The following UGT1A6 variants were observed in gnomAD, a reference collection of about 807,000 sequenced individuals.
UGT1A6 encodes UDP glucuronosyltransferase family 1 member A6.
A neutral mutation model predicts 44.4 loss-of-function variants in UGT1A6; 32 were observed. The observed-to-expected ratio is 0.72, with a 90% CI of 0.54 to 0.97. The LOEUF (loss-of-function observed/expected upper bound fraction) is 0.97. Among genes scored for constraint, UGT1A6 ranks in the 50% least tolerant of loss-of-function variants. The pLI is 0.00. For missense variants in UGT1A6, 685 were observed against 661.9 expected, an observed-to-expected ratio of 1.03 and a Z score of -0.38; for synonymous variants, 238 against 248.5, an observed-to-expected ratio of 0.96 and a Z score of 0.40.
At chr2:233,713,679 C>G in intron 1 of UGT1A6, 1 of 1,613,972 alleles carries the variant, frequency 6.2e-7, no homozygotes, top group Non-Finnish European at 8.5e-7. Context: ...TGTTTCTGCT[C>G]CTTATGCAAG....
At chr2:233,729,141 C>T (rs751723491) in intron 1 of UGT1A6, 1 of 1,613,272 alleles carries the variant, frequency 6.2e-7, no homozygotes, top group Admixed American at 1.7e-5. Flanking sequence ...CCACAGGACT[C>T]CAGGTTCCCC....
In UGT1A6 at chr2:233,693,863, C is replaced by T. The variant is rs1263853264; in HGVS notation, c.859C>T (p.Gln287Ter). Residue 287 changes from glutamine to a stop codon, truncating the protein, a stop_gained and splice_region_variant, in exon 1 of 5, where the codon CAG becomes TAG. Transcript: ENST00000305139. LOFTEE classifies it high-confidence loss of function. ...CTGTAAGAAGAGGAAAGACTTGTCT[C>T]AGGTTGGTGGGTTTATTTCTTTTGG... ...INCKKRKDLSQEFEAYINASG... is the reference protein window; with the variant it reads ...INCKKRKDLS 1 of 1,614,066 alleles carries T rather than the reference C, an allele frequency of 6.2e-7. No homozygotes were observed. The highest frequency in any genetic ancestry group is 2.2e-5 in the East Asian group (1 of 44,902).
At chr2:233,760,188 CG>C (rs1250855848) in intron 1 of UGT1A6, 1 of 1,563,540 alleles carries the variant, frequency 6.4e-7, no homozygotes, top group Non-Finnish European at 8.6e-7. Context: ...TTTATAGTCA[CG>C]TGACACAGTC....
At chr2:233,719,554 T>C in intron 1 of UGT1A6, 1 of 1,613,912 alleles carries the variant, frequency 6.2e-7, no homozygotes. Context: ...GAGGTGTCAG[T>C]GGTGGATCTT....
At chr2:233,731,044 G>A (rs190874066) in intron 1 of UGT1A6, among the ~76,000 whole-genome samples, 22 of 152,218 alleles carry the variant, frequency 1.4e-4, no homozygotes, top group African/African-American at 3.4e-4. Context: ...CATATTCACC[G>A]AATGTGTATG....
At chr2:233,697,371 T>C (rs1038271148) in intron 1 of UGT1A6, among the ~76,000 whole-genome samples, 9 of 152,090 alleles carry the variant, frequency 5.9e-5, no homozygotes, top group Non-Finnish European at 1.0e-4. Context: ...GCATATAGAG[T>C]TCACAATAAT....
chr2:233,734,914 A>G (rs7576166), intron 1 of UGT1A6, among the ~76,000 whole-genome samples: 69,332 of 152,022 alleles, frequency 0.46, 17,225 homozygotes, highest in African/African-American at 0.66. Context: ...TACATTTGCT[A>G]AGGAGTGCTT....
intron 1 of UGT1A6, among the ~76,000 whole-genome samples, chr2:233,703,898 C>CT (rs1039785943): frequency 2.0e-4 from 29 of 147,302 alleles, no homozygotes; most frequent in African/African-American, 4.5e-4. Context: ...TTTTTCTTTT[C>CT]TTTTTTTTTT....
chr2:233,767,054 T>C lies in UGT1A6; in HGVS notation c.882T>C (p.Asn294=), dbSNP rs1164851963. ...DLSQEFEAYI[N]ASGEHGIVVF... ...TCTAGGAATTTGAAGCCTACATTAA[T>C]GCTTCTGGAGAACATGGAATTGTGG... is the stretch of plus-strand genomic sequence containing the variant. The change falls in exon 2 of 5, where the codon AAT becomes AAC. Residue 294 remains asparagine, a synonymous_variant. Coordinates refer to ENST00000305139, the MANE Select transcript of UGT1A6 (RefSeq NM_001072.4). The C allele has an allele frequency of 2.5e-6, 4 of 1,614,114 alleles. No homozygotes were observed. Among genetic ancestry groups the C allele is most frequent in the Non-Finnish European group, 2.5e-6 (3 of 1,179,982 alleles).
At chr2:233,724,276 C>T (rs2077203543) in intron 1 of UGT1A6, among the ~76,000 whole-genome samples, 1 of 135,960 alleles carries the variant, frequency 7.4e-6, no homozygotes, top group Non-Finnish European at 1.6e-5. Flanking sequence ...GGGCGGCTGG[C>T]CGGGCGGGGG....
At chr2:233,706,359 A>G (rs1575483588) in intron 1 of UGT1A6, among the ~76,000 whole-genome samples, 3 of 152,330 alleles carry the variant, frequency 2.0e-5, no homozygotes, top group Admixed American at 6.5e-5. Context: ...CATTCTTCCA[A>G]TTTAGGCCAT....
intron 1 of UGT1A6, among the ~76,000 whole-genome samples, chr2:233,744,726 G>GA (rs1261964774): frequency 2.6e-5 from 4 of 151,822 alleles, no homozygotes; most frequent in African/African-American, 9.7e-5. Context: ...GAATGACGGT[G>GA]AAAAAATCAA....
intron 1 of UGT1A6, among the ~76,000 whole-genome samples, chr2:233,707,927 A>G (rs1373528154): frequency 6.6e-6 from 1 of 152,184 alleles, no homozygotes; most frequent in Non-Finnish European, 1.5e-5. Context: ...TTTAAAATAT[A>G]CTTATCAGTC....
intron 1 of UGT1A6, among the ~76,000 whole-genome samples, chr2:233,763,609 C>T (rs1698356254): frequency 6.6e-6 from 1 of 152,206 alleles, no homozygotes; most frequent in Non-Finnish European, 1.5e-5. Context: ...TGCCACTCTG[C>T]ACTACCATTC....
chr2:233,721,852 T>C (rs2076975990), intron 1 of UGT1A6: 1 of 513,872 alleles, frequency 1.9e-6, no homozygotes, highest in African/African-American at 1.9e-5. Flanking sequence ...CCAGCCCCAC[T>C]GCTCGGCCCT....
chr2:233,736,183 A>G (rs2078741283), intron 1 of UGT1A6, among the ~76,000 whole-genome samples: 2 of 152,176 alleles, frequency 1.3e-5, no homozygotes, highest in Non-Finnish European at 2.9e-5. Context: ...ACATAGTCCC[A>G]TATTTCTTCA....
intron 1 of UGT1A6, chr2:233,748,125 T>C: frequency 6.2e-7 from 1 of 1,610,546 alleles, no homozygotes; most frequent in South Asian, 1.1e-5. Context: ...GGCAAAACAG[T>C]TTTTAAAAAT....
intron 1 of UGT1A6, among the ~76,000 whole-genome samples, chr2:233,714,482 T>C (rs1196810093): frequency 6.6e-6 from 1 of 152,180 alleles, no homozygotes; most frequent in African/African-American, 2.4e-5. Flanking sequence ...AGAATGTTTC[T>C]TGTGAAGACA....
chr2:233,716,488 C>A (rs371843932), intron 1 of UGT1A6, among the ~76,000 whole-genome samples: 1 of 152,184 alleles, frequency 6.6e-6, no homozygotes, highest in Non-Finnish European at 1.5e-5. Context: ...CCGTAGTCTT[C>A]TATTCTCCAG....
Sources: allele counts gnomAD v4.1 joint callset (sites outside exome capture counted in the v4.1 genomes callset), GRCh38; gene constraint gnomAD v4.1.1; transcripts MANE v1.5; gene names NCBI Gene and HGNC (gene_info 2026-07-23, HGNC 2026-07-21).